ZNF420: variants seen among roughly 807,000 people sequenced by gnomAD.
The protein encoded by ZNF420 is zinc finger protein 420.
ZNF420 carries 31 observed loss-of-function variants against 44.7 expected under a neutral mutation model. The ratio of observed to expected loss-of-function variants is 0.69; its 90% CI spans 0.52 to 0.94. The LOEUF (loss-of-function observed/expected upper bound fraction) is 0.94. Ranked by LOEUF, ZNF420 falls within the 40% of genes least tolerant of loss-of-function variation. The pLI, the probability that ZNF420 is intolerant of heterozygous loss-of-function variation, is 0.00. For synonymous variants in ZNF420, 245 were observed against 267.4 expected (o/e 0.92, Z 0.82); for missense variants, 681 against 827.9 (o/e 0.82, Z 2.18).
In ZNF420 at chr19:37,129,855, C is replaced by A; in HGVS notation, c.*797C>A. 1.3e-6 allele frequency: 1 copy of A among 776,926 alleles called. No homozygotes were observed. Among genetic ancestry groups the A allele is most frequent in the Non-Finnish European group, 1.9e-6 (1 of 533,750 alleles). The allele number at this position is 776,926 out of a possible 1,614,324, so 48.1% of individuals were successfully genotyped here. On this transcript the variant is annotated 3_prime_UTR_variant, in exon 5 of 5. Coordinates refer to ENST00000337995, the MANE Select transcript of ZNF420 (RefSeq NM_144689.5). Reference sequence around the variant, plus strand: ...TTTAACGAAGTCTAAGATCCAAAGTCTAATAAATCTAGGAATTTTTTAAAA... The same window carrying A: ...TTTAACGAAGTCTAAGATCCAAAGTATAATAAATCTAGGAATTTTTTAAAA...
rs1179025361 is a variant in ZNF420, at chr19:37,103,428, G to A, written c.136+12307G>A. ...TTTATATTCTATTCTCTACTATGAC[G>A]GTGATTAATTTCTCTATATGTCTGC... On this transcript the variant is annotated intron_variant, in intron 4 of 4. Transcript: ENST00000337995. 3.3e-5 allele frequency among the ~76,000 whole-genome samples: 5 copies of A among 151,902 alleles called. No individual in the cohort carries two copies. The South Asian group carries it at 6.2e-4, about 19-fold the overall frequency.
chr19:37,062,453 T>G lies in ZNF420; in HGVS notation c.-124-17892T>G, dbSNP rs143892129. On this transcript the variant is annotated intron_variant, in intron 1 of 4. Transcript: ENST00000587029. ...AATCTTTTATTTTCCTCTGAGAAAT[T>G]AATAGGCTTTTTTATGAAAGACAGT... is the stretch of plus-strand genomic sequence containing the variant. 3.2e-3 allele frequency among the ~76,000 whole-genome samples: 490 copies of G among 152,306 alleles called. 5 individuals carry two copies. The highest frequency in any genetic ancestry group is 0.011 in the African/African-American group (471 of 41,574).
intron 4 of ZNF420, among the ~76,000 whole-genome samples, chr19:37,123,599 CTTTTTT>C (rs762782458): frequency 8.7e-5 from 7 of 80,358 alleles, no homozygotes; most frequent in Non-Finnish European, 1.5e-4. Context: ...TTACTCTTGT[CTTTTTT>C]TTTTTTTTTT....
In ZNF420 at chr19:37,031,538, C is replaced by T. The variant is rs561551001; in HGVS notation, c.-125+23456C>T. Among the ~76,000 whole-genome samples the T allele has an allele frequency of 2.0e-5, 3 of 152,120 alleles. No homozygotes were observed. In the East Asian group the frequency reaches 5.8e-4, roughly 29 times the overall value. Reference sequence around the variant, plus strand: ...TTATTTTTTTGGACACGGAGTCTCGCTCTGTCGCCCAGGCTGGAGTGTAGT... The same window carrying T: ...TTATTTTTTTGGACACGGAGTCTCGTTCTGTCGCCCAGGCTGGAGTGTAGT... On this transcript the variant is annotated intron_variant, in intron 1 of 4. Transcript: ENST00000587029.
In ZNF420 at chr19:37,009,515, C is replaced by T. The variant is rs191543741; in HGVS notation, c.-125+1433C>T. On this transcript the variant is annotated intron_variant, in intron 1 of 4. Coordinates refer to the ZNF420 transcript ENST00000587029. ...CACTCACCCCATCTGCTCTGGGGGA[C>T]GCCAGTGCCACGTTTGGTCACATTG... Among the ~76,000 whole-genome samples the T allele has an allele frequency of 8.5e-5, 13 of 152,304 alleles. No individual in the cohort carries two copies. In the East Asian group the frequency reaches 2.3e-3, roughly 27 times the overall value.
Position 37,130,098 on chromosome 19 carries a change from C to T in ZNF420, c.*1040C>T, listed in dbSNP as rs1047187309. ...ATATGAGTAGGAGATTTACGAAATCCATTTTTCCTGTCTTTTTTTCCGTGC... is the reference window on the plus strand; with the variant it reads ...ATATGAGTAGGAGATTTACGAAATCTATTTTTCCTGTCTTTTTTTCCGTGC... On this transcript the variant is annotated 3_prime_UTR_variant, in exon 5 of 5. Coordinates refer to ENST00000337995, the MANE Select transcript of ZNF420 (RefSeq NM_144689.5). 1.3e-6 allele frequency: 2 copies of T among 1,550,254 alleles called. No homozygotes were observed. Among genetic ancestry groups the T allele is most frequent in the Non-Finnish European group, 1.7e-6 (2 of 1,146,868 alleles).
Position 37,130,117 on chromosome 19 carries a change from T to C in ZNF420, c.*1059T>C. On this transcript the variant is annotated 3_prime_UTR_variant, in exon 5 of 5. Transcript: ENST00000337995. ...GAAATCCATTTTTCCTGTCTTTTTT[T>C]CCGTGCCTACAATGTGGACATCTAA... 6.4e-7 allele frequency: 1 copy of C among 1,550,492 alleles called. No individual in the cohort carries two copies. Among genetic ancestry groups the C allele is most frequent in the South Asian group, 1.2e-5 (1 of 84,066 alleles).
At chr19:37,013,862 G>A (rs1046078235) in intron 1 of ZNF420, among the ~76,000 whole-genome samples, 1 of 152,212 alleles carries the variant, frequency 6.6e-6, no homozygotes, top group Non-Finnish European at 1.5e-5. Flanking sequence ...AGTTTGAGGT[G>A]GAGCAAATGC....
upstream of ZNF420, chr19:37,078,281 C>T (rs1383978797): frequency 6.6e-6 from 1 of 152,230 alleles, no homozygotes; most frequent in African/African-American, 2.4e-5. Context: ...GCCCACGAGC[C>T]CCTCGAGGGG....
intron 4 of ZNF420, among the ~76,000 whole-genome samples, chr19:37,122,452 A>ATTG (rs1971102062): frequency 8.6e-6 from 1 of 115,636 alleles, no homozygotes; most frequent in Admixed American, 1.1e-4. Flanking sequence ...ATCACACTCC[A>ATTG]GGGACTGTTG....
At chr19:37,061,199 C>T (rs916674117) in intron 1 of ZNF420, among the ~76,000 whole-genome samples, 2 of 152,236 alleles carry the variant, frequency 1.3e-5, no homozygotes, top group African/African-American at 4.8e-5. Flanking sequence ...ACCAGTGCCA[C>T]GTGTGGTCAC....
chr19:37,119,712 T>G (rs1265174160), intron 4 of ZNF420, among the ~76,000 whole-genome samples: 1 of 150,958 alleles, frequency 6.6e-6, no homozygotes, highest in Non-Finnish European at 1.5e-5. Flanking sequence ...ATCAACAAAA[T>G]TGATAGACTG....
chr19:37,015,489 C>G lies in ZNF420; in HGVS notation c.-125+7407C>G, dbSNP rs2074603019. Among the ~76,000 whole-genome samples, 2 of 152,232 alleles carry G rather than the reference C, an allele frequency of 1.3e-5. 1 individual carries two copies. The highest frequency in any genetic ancestry group is 4.1e-4 in the South Asian group (2 of 4,832). On this transcript the variant is annotated intron_variant, in intron 1 of 4. Coordinates refer to the ZNF420 transcript ENST00000587029. ...CCTGTCCTCAGGATCCCCTTGAGCC[C>G]ACTTCAAATTCCGTTGCTGGCAGGG...
chr19:37,068,512 C>T (rs1159568436), intron 1 of ZNF420, among the ~76,000 whole-genome samples: 1 of 151,960 alleles, frequency 6.6e-6, no homozygotes, highest in Non-Finnish European at 1.5e-5. Flanking sequence ...TGATGGTGGA[C>T]TCCTGTAATC....
chr19:37,013,372 A>G (rs943513767), intron 1 of ZNF420, among the ~76,000 whole-genome samples: 3 of 151,984 alleles, frequency 2.0e-5, no homozygotes, highest in African/African-American at 7.2e-5. Context: ...GATCCCCTCC[A>G]TCGTCTGGGG....
At chr19:37,062,231 A>G (rs1967890917) in intron 1 of ZNF420, among the ~76,000 whole-genome samples, 1 of 152,210 alleles carries the variant, frequency 6.6e-6, no homozygotes. Context: ...GAACTGTGTA[A>G]TATATTTAAG....
intron 1 of ZNF420, among the ~76,000 whole-genome samples, chr19:37,022,749 T>A (rs1475172309): frequency 2.0e-5 from 3 of 152,224 alleles, no homozygotes; most frequent in African/African-American, 7.2e-5. Flanking sequence ...TAGGTACTAC[T>A]ATCGCCATTT....
At position 37,130,178 on chromosome 19, in the gene ZNF420, A is replaced by G. The variant is rs1326640764; in HGVS notation, c.*1120A>G. 1.0e-5 allele frequency: 16 copies of G among 1,550,316 alleles called. No homozygotes were observed. The South Asian group carries it at 1.1e-4, about 10-fold the overall frequency. On this transcript the variant is annotated 3_prime_UTR_variant, in exon 5 of 5. Coordinates refer to ENST00000337995, the MANE Select transcript of ZNF420 (RefSeq NM_144689.5). Reference sequence around the variant, plus strand: ...CGTTACTCTCATGGGGACTTTGAGAATGGTATCTGGGTGTTATGGATCATG... The same window carrying G: ...CGTTACTCTCATGGGGACTTTGAGAGTGGTATCTGGGTGTTATGGATCATG...
At chr19:37,010,593 T>C (rs993106475) in intron 1 of ZNF420, among the ~76,000 whole-genome samples, 1 of 152,046 alleles carries the variant, frequency 6.6e-6, no homozygotes, top group Non-Finnish European at 1.5e-5. Context: ...TGTGCGTGTG[T>C]GTGTTGAATG....
Sources: allele counts gnomAD v4.1 joint callset (sites outside exome capture counted in the v4.1 genomes callset), GRCh38; gene constraint gnomAD v4.1.1; transcripts MANE v1.5; gene names NCBI Gene and HGNC (gene_info 2026-07-23, HGNC 2026-07-21).